Variants in GRIK2 observed in about 807,000 individuals in gnomAD.
The protein encoded by GRIK2 is glutamate receptor ionotropic, kainate 2.
A neutral mutation model predicts 100.3 loss-of-function variants in GRIK2; 32 were observed. The ratio of observed to expected loss-of-function variants is 0.32; its 90% confidence interval spans 0.24 to 0.43. The LOEUF is 0.43. GRIK2 is among the 20% of genes least tolerant of loss of function. GRIK2 has a pLI of 1.00. For synonymous variants in GRIK2, 417 were observed against 389.4 expected (o/e 1.07, Z -0.83); for missense variants, 843 against 1,114.9 (o/e 0.76, Z 3.47).
intron 2 of GRIK2, among the ~76,000 whole-genome samples, chr6:101,518,359 C>CAT (rs1304380272): frequency 6.6e-6 from 1 of 152,048 alleles, no homozygotes. Flanking sequence ...GAACTTCTTG[C>CAT]ATATATAATT....
At chr6:101,605,815 TA>T (rs896093303) in intron 2 of GRIK2, among the ~76,000 whole-genome samples, 5 of 152,074 alleles carry the variant, frequency 3.3e-5, no homozygotes, top group African/African-American at 1.2e-4. Context: ...CATTTTTTTC[TA>T]ACCTTGAATA....
At chr6:101,628,795 G>C (rs2786245) in intron 4 of GRIK2, among the ~76,000 whole-genome samples, 1 of 151,872 alleles carries the variant, frequency 6.6e-6, no homozygotes, top group Non-Finnish European at 1.5e-5. Flanking sequence ...ATGCACACAG[G>C]TATGTACATC....
chr6:101,527,393 A>T (rs1489133231), intron 2 of GRIK2, among the ~76,000 whole-genome samples: 3 of 152,150 alleles, frequency 2.0e-5, no homozygotes, highest in African/African-American at 7.2e-5. Context: ...CATAACAATG[A>T]TTAGGAGGTT....
chr6:101,439,813 G>T (rs1562138998), intron 2 of GRIK2, among the ~76,000 whole-genome samples: 1 of 151,892 alleles, frequency 6.6e-6, no homozygotes, highest in Non-Finnish European at 1.5e-5. Flanking sequence ...TTAGAATTTT[G>T]GGCTATATAG....
At chr6:101,640,631 G>A (rs1460744808) in intron 4 of GRIK2, among the ~76,000 whole-genome samples, 2 of 152,122 alleles carry the variant, frequency 1.3e-5, no homozygotes, top group African/African-American at 2.4e-5. Context: ...ACCCAGTCAA[G>A]TTGTCGTTGA....
chr6:101,706,846 G>C (rs1773337668), intron 7 of GRIK2, among the ~76,000 whole-genome samples: 1 of 151,906 alleles, frequency 6.6e-6, no homozygotes, highest in African/African-American at 2.4e-5. Context: ...GAACACAGTG[G>C]TGTATGCAAA....
intron 14 of GRIK2, among the ~76,000 whole-genome samples, chr6:101,973,799 A>G (rs985613143): frequency 2.6e-5 from 4 of 151,908 alleles, no homozygotes; most frequent in African/African-American, 4.8e-5. Flanking sequence ...AACTAAAAGC[A>G]TTATTGTTAT....
At chr6:102,031,166 C>A (rs184319320) in intron 14 of GRIK2, among the ~76,000 whole-genome samples, 10 of 149,914 alleles carry the variant, frequency 6.7e-5, no homozygotes, top group African/African-American at 2.4e-4. Flanking sequence ...ATCTCCAACA[C>A]CATTTCCAGA....
chr6:101,664,292 A>G (rs1769850123), intron 4 of GRIK2, among the ~76,000 whole-genome samples: 1 of 152,208 alleles, frequency 6.6e-6, no homozygotes, highest in Non-Finnish European at 1.5e-5. Context: ...AAAGAAATAG[A>G]TAATAGGATG....
rs968972476 is a variant in GRIK2 at position 101,726,392 on chromosome 6, T to C, written c.951+40039T>C. 2.0e-5 allele frequency among the ~76,000 whole-genome samples: 3 copies of C among 152,002 alleles called. No individual in the cohort carries two copies. In the East Asian group the frequency reaches 5.8e-4, roughly 29 times the overall value. On this transcript the variant is annotated intron_variant, in intron 7 of 16. Transcript: ENST00000369134. Reference sequence around the variant, plus strand: ...TCTAACTGGTGCATTTTAAAACGCTTAAAGAGAACTTAATATATAATGTCT... The same window carrying C: ...TCTAACTGGTGCATTTTAAAACGCTCAAAGAGAACTTAATATATAATGTCT...
At chr6:101,618,992 A>T (rs2128315728) in intron 2 of GRIK2, among the ~76,000 whole-genome samples, 1 of 149,042 alleles carries the variant, frequency 6.7e-6, no homozygotes, top group African/African-American at 2.5e-5. Flanking sequence ...AATTGCATTT[A>T]TACTATCTAG....
intron 7 of GRIK2, among the ~76,000 whole-genome samples, chr6:101,729,528 A>G (rs1775110653): frequency 6.6e-6 from 1 of 151,986 alleles, no homozygotes; most frequent in South Asian, 2.1e-4. Flanking sequence ...TTGCACATAT[A>G]GGAATTTTCT....
intron 14 of GRIK2, among the ~76,000 whole-genome samples, chr6:101,984,522 C>T (rs1046193912): frequency 1.3e-5 from 2 of 151,164 alleles, no homozygotes; most frequent in African/African-American, 4.8e-5. Context: ...TGAAATACTC[C>T]GCAACAGTTA....
chr6:101,695,061 ATATCT>A lies in GRIK2; in HGVS notation c.951+8711_951+8715del, dbSNP rs536706294. 1.8e-3 allele frequency among the ~76,000 whole-genome samples: 273 copies of A among 151,762 alleles called. 1 individual carries two copies. Among genetic ancestry groups the A allele is most frequent in the Non-Finnish European group, 3.3e-3 (226 of 67,916 alleles). On this transcript the variant is annotated intron_variant, in intron 7 of 16. Coordinates refer to ENST00000369134, the MANE Select transcript of GRIK2 (RefSeq NM_021956.5). ...TCATATTATCATATTATCTTAGGTA[ATATCT>A]TAATACGTTTGTGCTGCTCTGACAG... is the stretch of plus-strand genomic sequence containing the variant.
chr6:101,686,068 A>G (rs1280086858), intron 6 of GRIK2, 112 bp from the exon 7 acceptor site: 27 of 659,638 alleles, frequency 4.1e-5, no homozygotes, highest in Non-Finnish European at 6.2e-5. Context: ...ACGTCACTTG[A>G]CACAAAGGTG....
chr6:102,057,967 A>G (rs955512510), intron 16 of GRIK2, among the ~76,000 whole-genome samples: 4 of 151,776 alleles, frequency 2.6e-5, no homozygotes, highest in Non-Finnish European at 4.4e-5. Flanking sequence ...GCTTGTTTCT[A>G]AGAAGTGGAA....
At chr6:101,455,485 C>T (rs75411798) in intron 2 of GRIK2, among the ~76,000 whole-genome samples, 5,235 of 151,986 alleles carry the variant, frequency 0.034, 119 homozygotes, top group Admixed American at 0.07. Flanking sequence ...TCCTATCACC[C>T]TGCTTCTAGA....
In GRIK2 at chr6:101,571,846, A is replaced by G. The variant is rs181782147; in HGVS notation, c.116-50103A>G. ...TATCTCTGATAGAAAATAAACTGTC[A>G]TGGACATCTATACATAACCATGCAG... On this transcript the variant is annotated intron_variant, in intron 2 of 16. Coordinates refer to ENST00000369134, the MANE Select transcript of GRIK2 (RefSeq NM_021956.5). Among the ~76,000 whole-genome samples the G allele has an allele frequency of 1.5e-3, 225 of 152,312 alleles. 1 individual carries two copies. Among genetic ancestry groups the G allele is most frequent in the African/African-American group, 5.3e-3 (220 of 41,592 alleles).
chr6:101,859,642 G>A (rs992437533), intron 11 of GRIK2, 149 bp downstream of exon 11: 6 of 612,636 alleles, frequency 9.8e-6, no homozygotes, highest in African/African-American at 9.2e-5. Context: ...GATAGTATTT[G>A]TCACTAAATG....
Sources: gnomAD v4.1 joint callset for allele counts (sites outside exome capture counted in the v4.1 genomes callset) on GRCh38, gnomAD v4.1.1 for gene constraint, MANE v1.5 for transcripts, NCBI Gene and HGNC (gene_info 2026-07-23, HGNC 2026-07-21) for gene names.